Variants in CCNY observed in about 807,000 individuals in gnomAD.
CCNY encodes the protein cyclin-Y.
CCNY carries 19 observed loss-of-function variants against 42.8 expected under a neutral mutation model. That is an observed-to-expected ratio of 0.44 (90% CI 0.31 to 0.65). The LOEUF (loss-of-function observed/expected upper bound fraction) is 0.65. Ranked by LOEUF, CCNY falls within the 30% of genes least tolerant of loss-of-function variation. The pLI is 0.07. For synonymous variants in CCNY, 165 were observed against 162.7 expected, an observed-to-expected ratio of 1.01 and a Z score of -0.11; for missense variants, 370 against 437.3, an observed-to-expected ratio of 0.85 and a Z score of 1.37.
intron 1 of CCNY, among the ~76,000 whole-genome samples, chr10:35,438,061 A>G (rs1325431199): frequency 6.6e-6 from 1 of 151,886 alleles, no homozygotes; most frequent in African/African-American, 2.4e-5. Flanking sequence ...GAGTCTCTGC[A>G]TGCGTATTTA....
chr10:35,414,065 G>A (rs1486685258), intron 1 of CCNY, among the ~76,000 whole-genome samples: 1 of 152,132 alleles, frequency 6.6e-6, no homozygotes, highest in African/African-American at 2.4e-5. Flanking sequence ...TAAAAAATAG[G>A]CCTATTTTTT....
chr10:35,252,912 A>G (rs7086715), intron 3 of CCNY, among the ~76,000 whole-genome samples: 55,457 of 152,044 alleles, frequency 0.36, 10,531 homozygotes, highest in African/African-American at 0.47. Context: ...TAGTGGTCGC[A>G]GAAAGTCCTC....
At chr10:35,498,275 T>C (rs1840041330) in intron 2 of CCNY, among the ~76,000 whole-genome samples, 1 of 152,074 alleles carries the variant, frequency 6.6e-6, no homozygotes, top group African/African-American at 2.4e-5. Flanking sequence ...CAGAAGGAAA[T>C]AAACCATACT....
intron 2 of CCNY, among the ~76,000 whole-genome samples, chr10:35,249,092 C>T (rs973998779): frequency 6.6e-6 from 1 of 152,084 alleles, no homozygotes; most frequent in Non-Finnish European, 1.5e-5. Flanking sequence ...GCCACCACTC[C>T]TGGCTAATTT....
At chr10:35,343,655 G>T (rs966653133) in intron 1 of CCNY, among the ~76,000 whole-genome samples, 1 of 152,166 alleles carries the variant, frequency 6.6e-6, no homozygotes, top group African/African-American at 2.4e-5. Flanking sequence ...CTCCCAAAAT[G>T]CTGGGATTAT....
chr10:35,556,377 C>G (rs550670581), intron 8 of CCNY, among the ~76,000 whole-genome samples: 1 of 152,170 alleles, frequency 6.6e-6, no homozygotes, highest in South Asian at 2.1e-4. Context: ...ACTGCAGGCC[C>G]TGAGTAGGCA....
chr10:35,519,761 T>C (rs1197244088), intron 4 of CCNY, among the ~76,000 whole-genome samples: 1 of 148,646 alleles, frequency 6.7e-6, no homozygotes, highest in East Asian at 2.0e-4. Flanking sequence ...AAGTATCTTC[T>C]TTTTCTTTTC....
At chr10:35,338,362 A>C (rs1263122827) in intron 1 of CCNY, among the ~76,000 whole-genome samples, 1 of 152,248 alleles carries the variant, frequency 6.6e-6, no homozygotes, top group Non-Finnish European at 1.5e-5. Flanking sequence ...AATGAGTGCC[A>C]TGTATAAAGG....
Position 35,311,674 on chromosome 10 carries a change from TC to T in CCNY, c.-9+61055del, listed in dbSNP as rs922325787. On this transcript the variant is annotated intron_variant, in intron 3 of 11. Transcript: ENST00000374706. The stretch of plus-strand genomic sequence containing the variant: ...GTCTGGGCAACAGAGGGAGACCCCG[TC>T]CCCCCCACCCCCCCAAAAAAAAGTT... 8.7e-4 allele frequency among the ~76,000 whole-genome samples: 84 copies of T among 96,404 alleles called. 1 individual carries two copies. The highest frequency in any genetic ancestry group is 2.0e-3 in the South Asian group (5 of 2,530). 63.2% of individuals were successfully genotyped at this position (96,404 alleles called of 152,430 possible). A position where few individuals can be genotyped will look rare whatever the true frequency, so the allele number is the denominator to read the frequency against.
chr10:35,346,373 A>G (rs1371780861), intron 1 of CCNY, among the ~76,000 whole-genome samples: 1 of 152,116 alleles, frequency 6.6e-6, no homozygotes, highest in Admixed American at 6.6e-5. Flanking sequence ...GCTATTTGCC[A>G]GCTTGGAAAG....
intron 3 of CCNY, chr10:35,315,545 GTTA>G (rs1835749989): frequency 6.6e-6 from 1 of 152,148 alleles, no homozygotes; most frequent in Admixed American, 6.5e-5. Flanking sequence ...CCATGTCTTT[GTTA>G]TTATAAAGAG....
intron 1 of CCNY, among the ~76,000 whole-genome samples, chr10:35,361,157 C>T (rs570396423): frequency 1.3e-5 from 2 of 152,322 alleles, no homozygotes; most frequent in East Asian, 3.9e-4. Flanking sequence ...GCACCTGGCC[C>T]ATAATGCAGG....
At chr10:35,389,232 T>C (rs1293425906) in intron 1 of CCNY, among the ~76,000 whole-genome samples, 1 of 152,122 alleles carries the variant, frequency 6.6e-6, no homozygotes, top group African/African-American at 2.4e-5. Flanking sequence ...TTATTGCTGC[T>C]ACTACTACTA....
intron 1 of CCNY, among the ~76,000 whole-genome samples, chr10:35,389,492 T>C (rs1208603367): frequency 6.9e-6 from 1 of 144,224 alleles, no homozygotes; most frequent in East Asian, 2.0e-4. Context: ...CAGGCTGGAG[T>C]GCAGTGGTAT....
chr10:35,522,129 G>GA (rs1840559591), intron 4 of CCNY, among the ~76,000 whole-genome samples: 2 of 152,150 alleles, frequency 1.3e-5, no homozygotes, highest in Admixed American at 1.3e-4. Context: ...ACTGCCTCTA[G>GA]AAAAAAACCC....
At chr10:35,300,799 C>A (rs1178072769) in intron 3 of CCNY, among the ~76,000 whole-genome samples, 3 of 151,408 alleles carry the variant, frequency 2.0e-5, no homozygotes, top group African/African-American at 7.3e-5. Context: ...AATATTCATT[C>A]CATTATTATT....
At chr10:35,406,640 G>A (rs1384581481) in intron 1 of CCNY, among the ~76,000 whole-genome samples, 1 of 152,204 alleles carries the variant, frequency 6.6e-6, no homozygotes, top group Non-Finnish European at 1.5e-5. Context: ...TTTCTACACA[G>A]ACACGGCAAC....
intron 1 of CCNY, among the ~76,000 whole-genome samples, chr10:35,382,377 A>G (rs1218479754): frequency 1.3e-5 from 2 of 152,176 alleles, no homozygotes; most frequent in African/African-American, 2.4e-5. Flanking sequence ...GGAGCATGCA[A>G]AGGGGGCTTG....
At chr10:35,313,938 T>C (rs1017712275) in intron 3 of CCNY, among the ~76,000 whole-genome samples, 6 of 135,122 alleles carry the variant, frequency 4.4e-5, no homozygotes, top group Admixed American at 4.2e-4. Context: ...ATTGCACCAC[T>C]GCACTCTAGC....
Sources: allele counts gnomAD v4.1 joint callset (sites outside exome capture counted in the v4.1 genomes callset), GRCh38; gene constraint gnomAD v4.1.1; transcripts MANE v1.5; gene names NCBI Gene and HGNC (gene_info 2026-07-23, HGNC 2026-07-21).